The following KCNIP1 variants were observed in gnomAD, a reference collection of about 807,000 sequenced individuals.
The protein encoded by KCNIP1 is A-type potassium channel modulatory protein KCNIP1.
KCNIP1 carries 18 observed loss-of-function variants against 33.0 expected under a neutral mutation model. The observed-to-expected ratio is 0.55, with a 90% CI of 0.38 to 0.81. The LOEUF is 0.81. Among genes scored for constraint, KCNIP1 ranks in the 30% least tolerant of loss-of-function variants. KCNIP1 has a pLI of 0.00. For missense variants in KCNIP1, 238 were observed against 271.6 expected, an observed-to-expected ratio of 0.88 and a Z score of 0.87; for synonymous variants, 93 against 98.3, an observed-to-expected ratio of 0.95 and a Z score of 0.32.
intron 1 of KCNIP1, among the ~76,000 whole-genome samples, chr5:170,467,442 T>G (rs944154445): frequency 2.6e-5 from 4 of 152,034 alleles, no homozygotes; most frequent in Non-Finnish European, 5.9e-5. Flanking sequence ...AAAGGTGGTT[T>G]TGGCCTGAGT....
intron 5 of KCNIP1, among the ~76,000 whole-genome samples, chr5:170,723,703 C>T (rs67797953): frequency 0.14 from 20,861 of 152,084 alleles, 1,849 homozygotes; most frequent in African/African-American, 0.26. Context: ...GACTAGGCCC[C>T]ACACTGGAGC....
At chr5:170,699,062 G>A (rs1561771474) in intron 1 of KCNIP1, among the ~76,000 whole-genome samples, 1 of 152,074 alleles carries the variant, frequency 6.6e-6, no homozygotes, top group Non-Finnish European at 1.5e-5. Flanking sequence ...GGACTGAAGA[G>A]TTCTCCACGT....
chr5:170,386,058 G>A (rs1191454757), intron 1 of KCNIP1, among the ~76,000 whole-genome samples: 2 of 151,650 alleles, frequency 1.3e-5, no homozygotes, highest in Non-Finnish European at 1.5e-5. Context: ...CCCAGGAGGC[G>A]GAGCTTGCAG....
intron 1 of KCNIP1, among the ~76,000 whole-genome samples, chr5:170,660,162 G>T (rs558035822): frequency 1.3e-5 from 2 of 152,132 alleles, no homozygotes; most frequent in Non-Finnish European, 2.9e-5. Context: ...CAAAATATTA[G>T]TATGAATTAT....
intron 1 of KCNIP1, among the ~76,000 whole-genome samples, chr5:170,567,336 G>A (rs756614573): frequency 6.6e-6 from 1 of 152,218 alleles, no homozygotes; most frequent in African/African-American, 2.4e-5. Context: ...GAGAAACCCT[G>A]ATCTAAGGAT....
At chr5:170,729,316 A>G (rs1764115389) in intron 5 of KCNIP1, among the ~76,000 whole-genome samples, 1 of 152,098 alleles carries the variant, frequency 6.6e-6, no homozygotes, top group African/African-American at 2.4e-5. Flanking sequence ...AAAGTAAGTG[A>G]CAAACTTGTT....
chr5:170,519,557 G>A (rs1755276274), intron 1 of KCNIP1, among the ~76,000 whole-genome samples: 1 of 152,156 alleles, frequency 6.6e-6, no homozygotes, highest in Non-Finnish European at 1.5e-5. Context: ...GGCTCTTTGG[G>A]AAGAGGATGG....
chr5:170,394,240 C>T (rs915727596), intron 1 of KCNIP1, among the ~76,000 whole-genome samples: 1 of 152,200 alleles, frequency 6.6e-6, no homozygotes, highest in African/African-American at 2.4e-5. Context: ...CTGGGCCAGG[C>T]GGAAGCTCTG....
At chr5:170,709,844 T>G (rs1763384849) in intron 1 of KCNIP1, among the ~76,000 whole-genome samples, 1 of 152,172 alleles carries the variant, frequency 6.6e-6, no homozygotes, top group Non-Finnish European at 1.5e-5. Context: ...ATGTCTCTTA[T>G]GCAAGCTTAT....
At chr5:170,522,182 G>A (rs1755388890) in intron 1 of KCNIP1, among the ~76,000 whole-genome samples, 1 of 152,212 alleles carries the variant, frequency 6.6e-6, no homozygotes, top group African/African-American at 2.4e-5. Flanking sequence ...AAGGACCAGA[G>A]GTCAGCTGGC....
At chr5:170,529,886 C>A (rs1228773379) in intron 1 of KCNIP1, among the ~76,000 whole-genome samples, 1 of 152,180 alleles carries the variant, frequency 6.6e-6, no homozygotes, top group African/African-American at 2.4e-5. Context: ...GAATGTCTCC[C>A]CACTTCACCC....
chr5:170,570,708 C>G (rs1183990514), intron 1 of KCNIP1, among the ~76,000 whole-genome samples: 1 of 152,232 alleles, frequency 6.6e-6, no homozygotes, highest in Non-Finnish European at 1.5e-5. Flanking sequence ...GGAGCACCAG[C>G]GACAGACGGC....
At chr5:170,654,749 A>G (rs2031344176) in intron 1 of KCNIP1, among the ~76,000 whole-genome samples, 1 of 152,244 alleles carries the variant, frequency 6.6e-6, no homozygotes, top group African/African-American at 2.4e-5. Flanking sequence ...TTTCCAGGGT[A>G]TGCTTGCAGT....
chr5:170,504,130 G>C lies in KCNIP1; in HGVS notation c.-443G>C. ...ATTCATGATTGGTACTCGGCCCTCCGAGACCCAGCCCGAGCGCAGGGAGGG... is the reference window on the plus strand; with the variant it reads ...ATTCATGATTGGTACTCGGCCCTCCCAGACCCAGCCCGAGCGCAGGGAGGG... On this transcript the variant is annotated 5_prime_UTR_variant, in exon 1 of 8. Transcript: ENST00000328939. This position sits in a 1 kb window ranked among gnomAD's most constrained non-coding sequence, Gnocchi z 6.0. The C allele has an allele frequency of 2.0e-6, 2 of 992,920 alleles. No individual in the cohort carries two copies. The highest frequency in any genetic ancestry group is 2.4e-6 in the Non-Finnish European group (2 of 835,592). The allele number at this position is 992,920 out of a possible 1,614,324, so 61.5% of individuals were successfully genotyped here. A position where few individuals can be genotyped will look rare whatever the true frequency, so the allele number is the denominator to read the frequency against.
rs1763715817 is a variant in KCNIP1 at position 170,718,780 on chromosome 5, G to A, written c.84G>A (p.Glu28=). The A allele has an allele frequency of 6.2e-7, 1 of 1,613,322 alleles. No homozygotes were observed. The highest frequency in any genetic ancestry group is 1.3e-5 in the African/African-American group (1 of 74,900). ...PSKDKIEDEL[E]MTMVCHRPEG... ...CAGATAAGATTGAAGATGAGCTGGA[G>A]ATGACCATGGTTTGCCATCGGCCCG... The change falls in exon 2 of 8, where the codon GAG becomes GAA. Residue 28 remains glutamate (E), a synonymous_variant. Transcript: ENST00000328939.
chr5:170,515,585 G>A (rs1755091546), intron 1 of KCNIP1, among the ~76,000 whole-genome samples: 1 of 152,208 alleles, frequency 6.6e-6, no homozygotes, highest in Non-Finnish European at 1.5e-5. Context: ...TTTTATGTAA[G>A]CCTTACAGTA....
chr5:170,633,228 C>A (rs1760132090), intron 1 of KCNIP1, among the ~76,000 whole-genome samples: 3 of 151,958 alleles, frequency 2.0e-5, no homozygotes, highest in African/African-American at 7.2e-5. Flanking sequence ...GGAGCGGGAC[C>A]CTCCGAAGTG....
intron 1 of KCNIP1, chr5:170,375,180 C>T (rs1423951322): frequency 4.6e-5 from 7 of 152,276 alleles, no homozygotes; most frequent in Middle Eastern, 3.4e-3. Flanking sequence ...AGAGACATTC[C>T]GTGCCCCCTC....
chr5:170,643,047 T>G (rs914484668), intron 1 of KCNIP1, among the ~76,000 whole-genome samples: 3 of 152,170 alleles, frequency 2.0e-5, no homozygotes, highest in African/African-American at 7.2e-5. Flanking sequence ...ATCCTGAGAT[T>G]GGGAGACATT....
Sources: allele counts gnomAD v4.1 joint callset (sites outside exome capture counted in the v4.1 genomes callset), GRCh38; gene constraint gnomAD v4.1.1; non-coding constraint Gnocchi (gnomAD v3.1); transcripts MANE v1.5; gene names NCBI Gene and HGNC (gene_info 2026-07-23, HGNC 2026-07-21).